PRC1: variants seen among roughly 807,000 people sequenced by gnomAD.
PRC1 encodes the protein protein regulator of cytokinesis 1.
A neutral mutation model predicts 91.2 loss-of-function variants in PRC1; 54 were observed. The ratio of observed to expected loss-of-function variants is 0.59; its 90% CI spans 0.48 to 0.74. The LOEUF (loss-of-function observed/expected upper bound fraction) is 0.74. Among genes scored for constraint, PRC1 ranks in the 30% least tolerant of loss-of-function variants. The pLI is 0.00. For missense variants in PRC1, 727 were observed against 746.2 expected, an observed-to-expected ratio of 0.97 and a Z score of 0.30; for synonymous variants, 275 against 263.6, an observed-to-expected ratio of 1.04 and a Z score of -0.42.
rs1567196885 is a variant in PRC1 at position 90,981,567 on chromosome 15, ACAC to A, written c.601_603del (p.Val201del). On this transcript the variant is annotated inframe_deletion, in exon 5 of 15. Coordinates refer to ENST00000394249, the MANE Select transcript of PRC1 (RefSeq NM_003981.4). ...AAACAAAAGGCATCTTCGTCTTCACACACCACATCTCTTTCAAAGCTTGTGTCT... is the reference window on the plus strand; with the variant it reads ...AAACAAAAGGCATCTTCGTCTTCACACACATCTCTTTCAAAGCTTGTGTCT... The A allele has an allele frequency of 3.7e-6, 6 of 1,614,112 alleles. No homozygotes were observed. Among genetic ancestry groups the A allele is most frequent in the South Asian group, 1.1e-5 (1 of 91,086 alleles).
At chr15:90,968,775 C>T in intron 14 of PRC1, 1 of 1,199,918 alleles carries the variant, frequency 8.3e-7, no homozygotes, top group Non-Finnish European at 1.0e-6. Context: ...GGCCTCTATT[C>T]TTTCCAGCTA....
intron 1 of PRC1, among the ~76,000 whole-genome samples, chr15:90,990,410 G>A (rs1426879733): frequency 1.4e-5 from 2 of 144,264 alleles, no homozygotes; most frequent in Non-Finnish European, 3.0e-5. Context: ...TTTTTTTTAA[G>A]AGGTAGAGTC....
chr15:90,980,122 A>G, intron 7 of PRC1, 120 bp downstream of exon 7: 2 of 1,313,678 alleles, frequency 1.5e-6, no homozygotes, highest in Non-Finnish European at 2.0e-6. Context: ...GTGGTGGCCC[A>G]ACACTTTGGG....
chr15:90,992,518 T>A (rs1342645385), intron 1 of PRC1, among the ~76,000 whole-genome samples: 2 of 152,192 alleles, frequency 1.3e-5, no homozygotes, highest in African/African-American at 2.4e-5. Flanking sequence ...CCTCCCAAAG[T>A]GCTGGGATTA....
Position 90,980,265 on chromosome 15 carries a change from T to C in PRC1, c.947A>G (p.Gln316Arg), listed in dbSNP as rs751297607. The C allele has an allele frequency of 2.5e-6, 4 of 1,612,452 alleles. No homozygotes were observed. In the East Asian group the frequency reaches 6.7e-5, roughly 27 times the overall value. The change falls in exon 7 of 15, where the codon CAA becomes CGA. Residue 316 changes from glutamine to arginine, a missense_variant. Physicochemically the swap from Gln to Arg is conservative, Grantham distance 43. Transcript: ENST00000394249. ...ACCAGCACAGAAAGGGGCAAAAGCTTGTCTCTGCTCCTGGCTATAAAAGCA... is the reference window on the plus strand; with the variant it reads ...ACCAGCACAGAAAGGGGCAAAAGCTCGTCTCTGCTCCTGGCTATAAAAGCA... ...DQCFYSQEQRQAFAPFCAEDY... is the reference protein window; with the variant it reads ...DQCFYSQEQRRAFAPFCAEDY...
intron 12 of PRC1, among the ~76,000 whole-genome samples, chr15:90,970,138 A>C (rs561400240): frequency 6.6e-6 from 1 of 152,266 alleles, no homozygotes; most frequent in African/African-American, 2.4e-5. Flanking sequence ...AATTGAGTCT[A>C]CAGCGACCCT....
chr15:90,984,194 C>G lies in PRC1; in HGVS notation c.145-54G>C, dbSNP rs2039415780. The stretch of plus-strand genomic sequence containing the variant: ...TGGGGCAATGGAGGAAAAAAACTCC[C>G]AACACCAATACCAAACTCCTCAAAT... On this transcript the variant is annotated intron_variant, in intron 2 of 14. Transcript: ENST00000394249. The surrounding 1 kb of genome is among the most constrained non-coding windows in gnomAD (Gnocchi z 5.1). 1 of 1,594,608 alleles carries G rather than the reference C, an allele frequency of 6.3e-7. No individual in the cohort carries two copies. The highest frequency in any genetic ancestry group is 1.7e-4 in the Middle Eastern group (1 of 5,980).
At chr15:90,975,888 G>C (rs2151484159) in intron 9 of PRC1, among the ~76,000 whole-genome samples, 1 of 152,150 alleles carries the variant, frequency 6.6e-6, no homozygotes, top group East Asian at 1.9e-4. Flanking sequence ...CATACGACTG[G>C]GAGTGTTTAG....
At chr15:90,986,624 C>T (rs1391012048) in intron 1 of PRC1, among the ~76,000 whole-genome samples, 2 of 151,838 alleles carry the variant, frequency 1.3e-5, no homozygotes, top group African/African-American at 2.4e-5. Context: ...GGCGACAGAG[C>T]GAAACTGTCA....
In PRC1 at chr15:90,966,853, T is replaced by G; in HGVS notation, c.*278A>C. 3.9e-6 allele frequency: 2 copies of G among 517,042 alleles called. No homozygotes were observed. The highest frequency in any genetic ancestry group is 3.5e-6 in the Non-Finnish European group (1 of 284,864). 32.0% of individuals were successfully genotyped at this position (517,042 alleles called of 1,614,324 possible). A position where few individuals can be genotyped will look rare whatever the true frequency, so the allele number is the denominator to read the frequency against. On this transcript the variant is annotated 3_prime_UTR_variant, in exon 15 of 15. Coordinates refer to ENST00000394249, the MANE Select transcript of PRC1 (RefSeq NM_003981.4). The stretch of plus-strand genomic sequence containing the variant: ...TTTGATCATGCTTCAGCAAGTAGAA[T>G]TATGTGGTAGAGAAGTCAGGCCCCA...
chr15:90,986,938 A>C (rs1216836743), intron 1 of PRC1, among the ~76,000 whole-genome samples: 21 of 151,858 alleles, frequency 1.4e-4, no homozygotes, highest in African/African-American at 4.8e-4. Context: ...TAGATATGCA[A>C]ATGTGTATCA....
In PRC1 at chr15:90,981,597, G is replaced by C; in HGVS notation, c.574C>G (p.Pro192Ala). ...ACATCTCTTTCAAAGCTTGTGTCTG[G>C]GGTGTGGTCTAATGCTTCCATACAC... ...ILCMEALDHTPDTSFERDVVC... is the reference protein window; with the variant it reads ...ILCMEALDHTADTSFERDVVC... Residue 192 changes from proline (P) to alanine (A), a missense_variant, in exon 5 of 15, where the codon CCA (proline) becomes GCA (alanine). Pro to Ala is a conservative substitution (Grantham distance 27). Transcript: ENST00000394249. 6.2e-7 allele frequency: 1 copy of C among 1,613,962 alleles called. No homozygotes were observed. Among genetic ancestry groups the C allele is most frequent in the Non-Finnish European group, 8.5e-7 (1 of 1,179,934 alleles).
rs1050988089 is a variant in PRC1, at chr15:90,966,647, G to A, written c.*484C>T. The A allele has an allele frequency of 6.6e-6, 3 of 456,244 alleles. No homozygotes were observed. The highest frequency in any genetic ancestry group is 8.8e-6 in the Non-Finnish European group (2 of 226,938). The allele number at this position is 456,244 out of a possible 1,614,324, so 28.3% of individuals were successfully genotyped here. On this transcript the variant is annotated 3_prime_UTR_variant, in exon 15 of 15. Transcript: ENST00000394249. ...ACAAAGACATTCTCTTCAGGAGGAA[G>A]GCTGTCCTGTGTGGTGGGGACAAGG...
chr15:90,988,827 A>G (rs1265393319), intron 1 of PRC1, among the ~76,000 whole-genome samples: 3 of 152,204 alleles, frequency 2.0e-5, no homozygotes, highest in Non-Finnish European at 4.4e-5. Flanking sequence ...TATAAAATGA[A>G]TGGCCCTGAA....
At chr15:90,993,653 C>G (rs1191913902) in intron 1 of PRC1, among the ~76,000 whole-genome samples, 1 of 152,240 alleles carries the variant, frequency 6.6e-6, no homozygotes, top group Non-Finnish European at 1.5e-5. Flanking sequence ...TCAAGTCGGA[C>G]AGTCCCTCCC....
chr15:90,977,000 C>T (rs897002405), intron 8 of PRC1, among the ~76,000 whole-genome samples: 10 of 151,924 alleles, frequency 6.6e-5, no homozygotes, highest in South Asian at 2.1e-4. Flanking sequence ...CATGACGGTG[C>T]GCACGTGCAG....
In PRC1 at chr15:90,966,655, T is replaced by G. The variant is rs1454550938; in HGVS notation, c.*476A>C. The stretch of plus-strand genomic sequence containing the variant: ...ATTCTCTTCAGGAGGAAGGCTGTCC[T>G]GTGTGGTGGGGACAAGGCTTCAGGT... On this transcript the variant is annotated 3_prime_UTR_variant, in exon 15 of 15. Coordinates refer to ENST00000394249, the MANE Select transcript of PRC1 (RefSeq NM_003981.4). 1 of 456,148 alleles carries G rather than the reference T, an allele frequency of 2.2e-6. No individual in the cohort carries two copies. Among genetic ancestry groups the G allele is most frequent in the African/African-American group, 2.0e-5 (1 of 50,084 alleles). The allele number at this position is 456,148 out of a possible 1,614,324, so 28.3% of individuals were successfully genotyped here.
intron 9 of PRC1, among the ~76,000 whole-genome samples, chr15:90,975,051 C>G (rs2038550893): frequency 1.3e-5 from 2 of 152,210 alleles, no homozygotes; most frequent in Non-Finnish European, 1.5e-5. Flanking sequence ...ACTCTGAAAT[C>G]AGACTTAATG....
At chr15:90,992,067 T>C (rs1372688024) in intron 1 of PRC1, among the ~76,000 whole-genome samples, 1 of 152,206 alleles carries the variant, frequency 6.6e-6, no homozygotes, top group Admixed American at 6.5e-5. Flanking sequence ...TTGGATTTGC[T>C]GATTCCTCTA....
Sources: allele counts gnomAD v4.1 joint callset (sites outside exome capture counted in the v4.1 genomes callset), GRCh38; gene constraint gnomAD v4.1.1; non-coding constraint Gnocchi (gnomAD v3.1); transcripts MANE v1.5; gene names NCBI Gene and HGNC (gene_info 2026-07-23, HGNC 2026-07-21).